The following THADA variants were observed in gnomAD, a reference collection of about 807,000 sequenced individuals.
THADA encodes THADA armadillo repeat containing, also known as tRNA (32-2'-O)-methyltransferase regulator THADA.
Under a neutral mutation model 219.8 loss-of-function variants are expected in THADA, and 213 were observed. The ratio of observed to expected loss-of-function variants is 0.97; its 90% CI spans 0.87 to 1.09. The LOEUF (loss-of-function observed/expected upper bound fraction) is 1.09. THADA is among the 50% of genes least tolerant of loss of function. THADA has a pLI of 0.00. For missense variants in THADA, 2,956 were observed against 2,311.3 expected (o/e 1.28, Z -5.72); for synonymous variants, 1,018 against 828.9 (o/e 1.23, Z -3.92).
chr2:43,539,894 C>A (rs1436130570), intron 21 of THADA, among the ~76,000 whole-genome samples: 1 of 151,708 alleles, frequency 6.6e-6, no homozygotes, highest in Non-Finnish European at 1.5e-5. Flanking sequence ...GATTTGGGTG[C>A]TATGTGAAAA....
intron 22 of THADA, 83 bp from the exon 23 acceptor site, chr2:43,508,863 G>T: frequency 7.3e-7 from 1 of 1,363,622 alleles, no homozygotes; most frequent in South Asian, 1.3e-5. Flanking sequence ...TACACTGTTA[G>T]TAAATAATAA....
chr2:43,521,286 T>C (rs1369552112), intron 22 of THADA, among the ~76,000 whole-genome samples: 1 of 152,078 alleles, frequency 6.6e-6, no homozygotes, highest in East Asian at 1.9e-4. Context: ...CCGGGCGTGG[T>C]GGCTCACTCC....
intron 29 of THADA, among the ~76,000 whole-genome samples, chr2:43,393,448 C>T (rs7593351): frequency 0.37 from 55,729 of 151,966 alleles, 11,041 homozygotes; most frequent in African/African-American, 0.49. Context: ...GGCTCACGCC[C>T]GTAATCCCAA....
At chr2:43,276,604 G>A (rs141688818) in intron 36 of THADA, among the ~76,000 whole-genome samples, 13 of 152,296 alleles carry the variant, frequency 8.5e-5, no homozygotes, top group African/African-American at 2.9e-4. Context: ...GATCTGTTAA[G>A]GAGCACTGGA....
intron 29 of THADA, among the ~76,000 whole-genome samples, chr2:43,378,564 CT>C (rs748176398): frequency 6.6e-6 from 1 of 152,130 alleles, no homozygotes; most frequent in Non-Finnish European, 1.5e-5. Context: ...CTGATGATAG[CT>C]GTCTTATTAT....
At chr2:43,443,802 C>T (rs1033501497) in intron 26 of THADA, among the ~76,000 whole-genome samples, 26 of 152,314 alleles carry the variant, frequency 1.7e-4, no homozygotes, top group Admixed American at 1.6e-3. Flanking sequence ...GATATGCAGG[C>T]ACAACTGATG....
At chr2:43,246,297 C>A (rs1159123107) in intron 36 of THADA, among the ~76,000 whole-genome samples, 1 of 152,084 alleles carries the variant, frequency 6.6e-6, no homozygotes, top group Non-Finnish European at 1.5e-5. Flanking sequence ...GAGTTTGAGA[C>A]CAGCCTGGCC....
intron 20 of THADA, among the ~76,000 whole-genome samples, chr2:43,542,682 G>A (rs867362220): frequency 6.6e-6 from 1 of 152,104 alleles, no homozygotes; most frequent in Non-Finnish European, 1.5e-5. Context: ...TCTCACAGCA[G>A]ACAATGAACC....
chr2:43,308,565 G>A (rs1046088128), intron 31 of THADA, among the ~76,000 whole-genome samples: 1 of 151,922 alleles, frequency 6.6e-6, no homozygotes, highest in Admixed American at 6.6e-5. Flanking sequence ...ATTAGGGCAT[G>A]GTGGCATGTG....
At chr2:43,247,880 A>C (rs1669324398) in intron 36 of THADA, among the ~76,000 whole-genome samples, 1 of 151,370 alleles carries the variant, frequency 6.6e-6, no homozygotes, top group South Asian at 2.1e-4. Context: ...CTGTGGCTAC[A>C]AAAAATTTAA....
At chr2:43,520,213 T>G in intron 22 of THADA, among the ~76,000 whole-genome samples, 1 of 152,220 alleles carries the variant, frequency 6.6e-6, no homozygotes. Context: ...AGTGAATGCC[T>G]TTCCACTAAA....
chr2:43,542,893 T>A (rs1402336738), intron 20 of THADA, among the ~76,000 whole-genome samples: 1 of 152,094 alleles, frequency 6.6e-6, no homozygotes, highest in Non-Finnish European at 1.5e-5. Context: ...ATACTTTAAG[T>A]TTTAGGGTAC....
intron 25 of THADA, among the ~76,000 whole-genome samples, chr2:43,494,703 T>C (rs1688054499): frequency 6.6e-6 from 1 of 152,206 alleles, no homozygotes; most frequent in African/African-American, 2.4e-5. Context: ...ATTATTATGA[T>C]TATGTGTTAT....
At chr2:43,384,752 G>A (rs1368311494) in intron 29 of THADA, among the ~76,000 whole-genome samples, 1 of 151,982 alleles carries the variant, frequency 6.6e-6, no homozygotes, top group African/African-American at 2.4e-5. Flanking sequence ...AATTGCTTCA[G>A]CCCAAGAGTT....
intron 31 of THADA, among the ~76,000 whole-genome samples, chr2:43,306,481 T>G (rs1461430821): frequency 6.6e-6 from 1 of 152,302 alleles, no homozygotes; most frequent in East Asian, 1.9e-4. Context: ...AACTGCTAAC[T>G]GGGAAGATTC....
intron 21 of THADA, among the ~76,000 whole-genome samples, chr2:43,539,567 T>G (rs1327062900): frequency 1.3e-5 from 2 of 152,176 alleles, no homozygotes; most frequent in Non-Finnish European, 2.9e-5. Flanking sequence ...GGGACGGGGT[T>G]CCAGTGTTAG....
intron 36 of THADA, among the ~76,000 whole-genome samples, chr2:43,274,446 T>C (rs35523245): frequency 0.12 from 18,482 of 152,144 alleles, 1,534 homozygotes; most frequent in Non-Finnish European, 0.18. Context: ...TTAACACAAA[T>C]TGAGCACCCA....
intron 36 of THADA, among the ~76,000 whole-genome samples, chr2:43,250,614 C>A (rs1474714057): frequency 6.6e-6 from 1 of 151,990 alleles, no homozygotes; most frequent in Non-Finnish European, 1.5e-5. Flanking sequence ...CCCGTAATCC[C>A]AAAACTTTGG....
intron 25 of THADA, chr2:43,486,616 C>G (rs1686950371): frequency 6.6e-6 from 1 of 152,280 alleles, no homozygotes; most frequent in South Asian, 2.1e-4. Context: ...ATTTAGAAAA[C>G]AGCTTCCTGA....
Sources: gnomAD v4.1 joint callset for allele counts (sites outside exome capture counted in the v4.1 genomes callset) on GRCh38, gnomAD v4.1.1 for gene constraint, MANE v1.5 for transcripts, NCBI Gene and HGNC (gene_info 2026-07-23, HGNC 2026-07-21) for gene names.